The following NCAM2 variants were observed in gnomAD, a reference collection of about 807,000 sequenced individuals.
NCAM2 encodes the protein N-CAM-2.
In NCAM2, 30 loss-of-function variants were observed where a neutral mutation model predicts 98.1. The ratio of observed to expected loss-of-function variants is 0.31; its 90% CI spans 0.23 to 0.41. NCAM2 has a LOEUF of 0.41. NCAM2 is among the 10% of genes least tolerant of loss of function. The probability of loss-of-function intolerance (pLI) is 1.00; values close to 1 mark genes in which losing one functional copy is unlikely to be tolerated. For missense variants in NCAM2, 867 were observed against 1,005.8 expected, an observed-to-expected ratio of 0.86 and a Z score of 1.87; for synonymous variants, 368 against 342.4, an observed-to-expected ratio of 1.07 and a Z score of -0.83.
chr21:21,086,988 T>A (rs2065917501), intron 1 of NCAM2, among the ~76,000 whole-genome samples: 1 of 151,938 alleles, frequency 6.6e-6, no homozygotes, highest in Admixed American at 6.6e-5. Context: ...ATATTGATCG[T>A]TTTGTAGACA....
intron 1 of NCAM2, among the ~76,000 whole-genome samples, chr21:21,236,965 C>T (rs917502166): frequency 6.6e-6 from 1 of 152,136 alleles, no homozygotes; most frequent in Non-Finnish European, 1.5e-5. Flanking sequence ...TCACATTTGT[C>T]TATTTTCAAC....
Position 21,374,307 on chromosome 21 carries a change from C to A in NCAM2, c.1195+294C>A, listed in dbSNP as rs232520. ...GTATCAACTGAAAAATATTAATTAT[C>A]AGTAATTGGTCGATATCACTTTAGA... On this transcript the variant is annotated intron_variant, in intron 9 of 17. Coordinates refer to ENST00000400546, the MANE Select transcript of NCAM2 (RefSeq NM_004540.5). Among the ~76,000 whole-genome samples the A allele has an allele frequency of 0.36, 54,285 of 151,438 alleles. 9,932 individuals carry two copies. Among genetic ancestry groups the A allele is most frequent in the East Asian group, 0.58 (2,982 of 5,118 alleles).
At chr21:21,287,463 T>C (rs2073142795) in intron 4 of NCAM2, among the ~76,000 whole-genome samples, 2 of 151,986 alleles carry the variant, frequency 1.3e-5, no homozygotes, top group Non-Finnish European at 2.9e-5. Context: ...TGTTTCAGCA[T>C]AACTCTGTAC....
At chr21:21,119,854 C>G (rs1265795753) in intron 1 of NCAM2, among the ~76,000 whole-genome samples, 2 of 152,174 alleles carry the variant, frequency 1.3e-5, no homozygotes, top group Non-Finnish European at 2.9e-5. Context: ...AATTTTGAAT[C>G]TTGAAACATT....
intron 12 of NCAM2, among the ~76,000 whole-genome samples, chr21:21,449,035 A>C (rs1278584686): frequency 6.6e-6 from 1 of 152,048 alleles, no homozygotes; most frequent in East Asian, 1.9e-4. Context: ...GCAAAATAAC[A>C]ATTTTAGGTA....
chr21:21,237,176 C>T (rs2070865785), intron 1 of NCAM2, among the ~76,000 whole-genome samples: 1 of 152,118 alleles, frequency 6.6e-6, no homozygotes, highest in Non-Finnish European at 1.5e-5. Flanking sequence ...GCATGACTAC[C>T]TAATTCCATA....
intron 1 of NCAM2, among the ~76,000 whole-genome samples, chr21:21,012,819 G>A (rs1175357527): frequency 6.6e-6 from 1 of 151,870 alleles, no homozygotes; most frequent in African/African-American, 2.4e-5. Flanking sequence ...TTAGGTAACT[G>A]GCAATATTTC....
At chr21:21,419,259 A>G (rs762805957) in intron 11 of NCAM2, among the ~76,000 whole-genome samples, 4 of 151,166 alleles carry the variant, frequency 2.6e-5, no homozygotes, top group Non-Finnish European at 5.9e-5. Context: ...ACCTGATTCT[A>G]ATCCCTCCAA....
intron 1 of NCAM2, among the ~76,000 whole-genome samples, chr21:21,252,747 CT>C (rs1280170663): frequency 9.2e-5 from 14 of 152,104 alleles, no homozygotes; most frequent in Non-Finnish European, 1.0e-4. Flanking sequence ...ATGAATTCAT[CT>C]CGTGTCAAAC....
intron 1 of NCAM2, among the ~76,000 whole-genome samples, chr21:21,256,086 G>A (rs2071657724): frequency 6.6e-6 from 1 of 152,312 alleles, no homozygotes; most frequent in South Asian, 2.1e-4. Flanking sequence ...TGGGCGCAGT[G>A]GCTCACGCCT....
chr21:21,100,375 CA>C (rs2066215005), intron 1 of NCAM2, among the ~76,000 whole-genome samples: 1 of 151,850 alleles, frequency 6.6e-6, no homozygotes, highest in South Asian at 2.1e-4. Flanking sequence ...GAGTAGATGT[CA>C]GTGACCCCCC....
At chr21:21,062,560 C>T (rs115541757) in intron 1 of NCAM2, among the ~76,000 whole-genome samples, 1,725 of 152,254 alleles carry the variant, frequency 0.011, 38 homozygotes, top group African/African-American at 0.04. Context: ...AAGGAGCTAA[C>T]GCTACCGATA....
At chr21:21,025,453 T>C (rs1732843431) in intron 1 of NCAM2, among the ~76,000 whole-genome samples, 1 of 152,212 alleles carries the variant, frequency 6.6e-6, no homozygotes, top group Non-Finnish European at 1.5e-5. Context: ...ATTTCTAAGA[T>C]AGTGAGTGTC....
intron 5 of NCAM2, among the ~76,000 whole-genome samples, chr21:21,294,762 C>A (rs1455430791): frequency 6.6e-6 from 1 of 151,674 alleles, no homozygotes. Context: ...TCATTTTACT[C>A]CAGTCTTATT....
intron 1 of NCAM2, among the ~76,000 whole-genome samples, chr21:21,058,342 A>G (rs550937152): frequency 7.2e-5 from 11 of 152,248 alleles, no homozygotes; most frequent in African/African-American, 2.6e-4. Flanking sequence ...TTCATTGCAC[A>G]TATGAATTCC....
At chr21:21,104,399 T>A (rs1467656382) in intron 1 of NCAM2, among the ~76,000 whole-genome samples, 1 of 152,178 alleles carries the variant, frequency 6.6e-6, no homozygotes, top group Non-Finnish European at 1.5e-5. Flanking sequence ...TTCTAGTACC[T>A]ATTTTTTTTC....
At chr21:21,069,153 G>C (rs928706619) in intron 1 of NCAM2, among the ~76,000 whole-genome samples, 3 of 152,122 alleles carry the variant, frequency 2.0e-5, no homozygotes, top group African/African-American at 7.2e-5. Flanking sequence ...TTCATACATT[G>C]TGTGTTATGT....
At chr21:21,015,264 G>A (rs754614428) in intron 1 of NCAM2, among the ~76,000 whole-genome samples, 4 of 152,158 alleles carry the variant, frequency 2.6e-5, no homozygotes, top group Non-Finnish European at 4.4e-5. Flanking sequence ...GGTCAAACAC[G>A]ATCAAACAAT....
intron 11 of NCAM2, 77 bp downstream of exon 11, chr21:21,418,646 G>C: frequency 9.4e-7 from 1 of 1,058,700 alleles, no homozygotes; most frequent in African/African-American, 1.6e-5. Flanking sequence ...TGATAAAGTG[G>C]TCTCATTTAC....
Sources: gnomAD v4.1 joint callset for allele counts (sites outside exome capture counted in the v4.1 genomes callset) on GRCh38, gnomAD v4.1.1 for gene constraint, MANE v1.5 for transcripts, NCBI Gene and HGNC (gene_info 2026-07-23, HGNC 2026-07-21) for gene names.